The following NEMF variants were observed in gnomAD, a reference collection of about 807,000 sequenced individuals.
NEMF encodes the protein nuclear export mediator factor.
A neutral mutation model predicts 162.2 loss-of-function variants in NEMF; 89 were observed. The ratio of observed to expected loss-of-function variants is 0.55; its 90% CI spans 0.46 to 0.65. The LOEUF (loss-of-function observed/expected upper bound fraction) is 0.65, where lower values mean the gene tolerates loss of function less well. Among genes scored for constraint, NEMF ranks in the 30% least tolerant of loss-of-function variants. NEMF has a pLI of 0.00. For missense variants in NEMF, 1,133 were observed against 1,261.9 expected (o/e 0.90, Z 1.55); for synonymous variants, 421 against 404.5 (o/e 1.04, Z -0.49).
chr14:49,852,347 C>A (rs769078391), intron 1 of NEMF, among the ~76,000 whole-genome samples: 2 of 152,218 alleles, frequency 1.3e-5, no homozygotes, highest in Non-Finnish European at 1.5e-5. Flanking sequence ...ACCAAGCCCC[C>A]AGTCTGGAAA....
At chr14:49,849,767 A>C (rs1232233188) in intron 3 of NEMF, 1 of 152,228 alleles carries the variant, frequency 6.6e-6, no homozygotes, top group Admixed American at 6.5e-5. Flanking sequence ...AATGAAATAC[A>C]TATTATTCAT....
At chr14:49,834,988 C>T (rs920424362) in intron 6 of NEMF, among the ~76,000 whole-genome samples, 12 of 152,134 alleles carry the variant, frequency 7.9e-5, no homozygotes, top group Admixed American at 3.3e-4. Context: ...CACCTGAGGT[C>T]GGGAGTTGGA....
chr14:49,796,532 G>A (rs1172373312), intron 25 of NEMF, among the ~76,000 whole-genome samples: 1 of 151,732 alleles, frequency 6.6e-6, no homozygotes, highest in Non-Finnish European at 1.5e-5. Context: ...TGTATTTTTA[G>A]TAGATATGGG....
chr14:49,840,759 A>G lies in NEMF; in HGVS notation c.465T>C (p.Leu155=), dbSNP rs1401030989. 3 of 1,614,078 alleles carry G rather than the reference A, an allele frequency of 1.9e-6. No homozygotes were observed. The highest frequency in any genetic ancestry group is 8.5e-7 in the Non-Finnish European group (1 of 1,179,996). Reference sequence around the variant, plus strand: ...AAGGTTCAGCAGCTCTAGCATGATCAAGTGGATAGCGTTCACGAACAGCAA... The same window carrying G: ...AAGGTTCAGCAGCTCTAGCATGATCGAGTGGATAGCGTTCACGAACAGCAA... ...VKFAVRERYP[L]DHARAAEPLL... Residue 155 remains leucine, a synonymous_variant, in exon 5 of 33, where the codon CTT becomes CTC. Transcript: ENST00000298310.
At chr14:49,809,909 T>C (rs910604114) in intron 18 of NEMF, among the ~76,000 whole-genome samples, 11 of 151,946 alleles carry the variant, frequency 7.2e-5, no homozygotes, top group African/African-American at 2.4e-4. Context: ...TGGGCCATAA[T>C]GATGTGTCAA....
chr14:49,840,150 T>G (rs1047861356), intron 5 of NEMF, among the ~76,000 whole-genome samples: 2 of 149,136 alleles, frequency 1.3e-5, no homozygotes, highest in African/African-American at 5.0e-5. Flanking sequence ...GAAGGGGGAG[T>G]GAGACACCAC....
chr14:49,820,639 C>T (rs1462718639), intron 16 of NEMF, among the ~76,000 whole-genome samples: 1 of 152,098 alleles, frequency 6.6e-6, no homozygotes, highest in Non-Finnish European at 1.5e-5. Flanking sequence ...CTCTCTCCTC[C>T]CCCTTCCACG....
chr14:49,807,692 G>A (rs1024657197), intron 18 of NEMF, among the ~76,000 whole-genome samples: 6 of 151,406 alleles, frequency 4.0e-5, no homozygotes, highest in African/African-American at 1.5e-4. Flanking sequence ...CACCACCTGG[G>A]AAGTGATTCT....
At chr14:49,794,619 TAAAA>T (rs397852715) in intron 26 of NEMF, among the ~76,000 whole-genome samples, 2 of 90,358 alleles carry the variant, frequency 2.2e-5, no homozygotes, top group African/African-American at 4.0e-5. Context: ...ACCCTGTCTC[TAAAA>T]AAAAAAAAAA....
chr14:49,849,604 C>A (rs1488254190), intron 3 of NEMF: 1 of 152,178 alleles, frequency 6.6e-6, no homozygotes, highest in African/African-American at 2.4e-5. Context: ...CCATAGAATT[C>A]TAAGTATTTT....
chr14:49,783,232 T>TC lies in NEMF; in HGVS notation c.*1403dup. The TC allele has an allele frequency of 3.9e-6, 1 of 256,728 alleles. No individual in the cohort carries two copies. The highest frequency in any genetic ancestry group is 7.3e-6 in the Non-Finnish European group (1 of 136,814). The allele number at this position is 256,728 out of a possible 1,614,324, so 15.9% of individuals were successfully genotyped here. On this transcript the variant is annotated 3_prime_UTR_variant, in exon 33 of 33. Transcript: ENST00000298310. ...CTTTTCAGTAACTTCAGGATATGTATCTGTAGAAACATTATAGTCTTACCA... is the reference window on the plus strand; with the variant it reads ...CTTTTCAGTAACTTCAGGATATGTATCCTGTAGAAACATTATAGTCTTACCA...
chr14:49,799,391 G>C (rs1890850597), intron 25 of NEMF, 84 bp downstream of exon 25: 2 of 1,148,496 alleles, frequency 1.7e-6, no homozygotes, highest in South Asian at 1.4e-5. Context: ...TCTTTAAACA[G>C]CTAAGTAATC....
At chr14:49,796,488 A>C (rs1890697378) in intron 25 of NEMF, among the ~76,000 whole-genome samples, 1 of 151,758 alleles carries the variant, frequency 6.6e-6, no homozygotes, top group Non-Finnish European at 1.5e-5. Flanking sequence ...TTTTTTTTTA[A>C]AACGGAGTTT....
At chr14:49,838,569 A>AC (rs1348436745) in intron 5 of NEMF, among the ~76,000 whole-genome samples, 1 of 149,580 alleles carries the variant, frequency 6.7e-6, no homozygotes, top group Non-Finnish European at 1.5e-5. Context: ...GCATCGAACA[A>AC]CTTTTTTTTT....
At position 49,782,770 on chromosome 14, in the gene NEMF, G is replaced by GTGAA. The variant is rs1461444138; in HGVS notation, c.*1862_*1865dup. Reference sequence around the variant, plus strand: ...AGGGATGTTTTATGTAGTTTTTCAAGTGAATGTACTTCCAAACAGTAAAGT... The same window carrying GTGAA: ...AGGGATGTTTTATGTAGTTTTTCAAGTGAATGAATGTACTTCCAAACAGTAAAGT... On this transcript the variant is annotated 3_prime_UTR_variant, in exon 33 of 33. Transcript: ENST00000298310. 2 of 1,566,394 alleles carry GTGAA rather than the reference G, an allele frequency of 1.3e-6. No individual in the cohort carries two copies. The highest frequency in any genetic ancestry group is 1.9e-5 in the Admixed American group (1 of 53,696).
intron 13 of NEMF, 73 bp downstream of exon 13, chr14:49,828,981 G>A (rs949946413): frequency 1.2e-4 from 176 of 1,435,046 alleles, no homozygotes; most frequent in Non-Finnish European, 1.6e-4. Flanking sequence ...AAGAAAAAAT[G>A]TTTAATACAG....
At chr14:49,799,701 GTC>G (rs1359750455) in intron 23 of NEMF, 23 bp from the exon 24 acceptor site, 4 of 1,594,114 alleles carry the variant, frequency 2.5e-6, no homozygotes, top group Non-Finnish European at 2.6e-6. Flanking sequence ...ACACAAGGGA[GTC>G]TCTACTAGCC....
intron 18 of NEMF, among the ~76,000 whole-genome samples, chr14:49,809,345 G>C (rs1891360931): frequency 6.6e-6 from 1 of 152,112 alleles, no homozygotes; most frequent in African/African-American, 2.4e-5. Flanking sequence ...AAAAAGAAAT[G>C]AGCTATCAAG....
chr14:49,829,180 A>G lies in NEMF; in HGVS notation c.1106T>C (p.Leu369Ser). 6.2e-7 allele frequency: 1 copy of G among 1,614,170 alleles called. No individual in the cohort carries two copies. Among genetic ancestry groups the G allele is most frequent in the Non-Finnish European group, 8.5e-7 (1 of 1,180,014 alleles). ...DRAIQVVRSALANQIDWTEIG... is the reference protein window; with the variant it reads ...DRAIQVVRSASANQIDWTEIG... The stretch of plus-strand genomic sequence containing the variant: ...TTCTGTCCAATCTATCTGGTTAGCT[A>G]AAGCACTTCGAACTACCTGAATGGC... Residue 369 changes from leucine to serine, a missense_variant, in exon 13 of 33, where the codon TTA (leucine) becomes TCA (serine). This residue lies in a region of NEMF where 582 missense variants were observed against 631.5 expected (regional missense o/e 0.92). Coordinates refer to ENST00000298310, the MANE Select transcript of NEMF (RefSeq NM_004713.6).
Sources: gnomAD v4.1 joint callset for allele counts (sites outside exome capture counted in the v4.1 genomes callset) on GRCh38, gnomAD v4.1.1 for gene constraint, gnomAD v4.1.1 regional missense constraint, MANE v1.5 for transcripts, NCBI Gene and HGNC (gene_info 2026-07-23, HGNC 2026-07-21) for gene names.